ULK4: variants seen among roughly 807,000 people sequenced by gnomAD.
ULK4 encodes unc-51 like kinase 4, also known as inactive serine/threonine-protein kinase ULK4.
A neutral mutation model predicts 160.6 loss-of-function variants in ULK4; 133 were observed. That is an observed-to-expected ratio of 0.83 (90% CI 0.72 to 0.96). The LOEUF (loss-of-function observed/expected upper bound fraction) is 0.96, where lower values mean the gene tolerates loss of function less well. Ranked by LOEUF, ULK4 falls within the 40% of genes least tolerant of loss-of-function variation. The pLI is 0.00. For missense variants in ULK4, 1,580 were observed against 1,499.5 expected (o/e 1.05, Z -0.89); for synonymous variants, 534 against 539.8 (o/e 0.99, Z 0.15).
intron 13 of ULK4, 92 bp downstream of exon 13, chr3:41,900,633 T>C (rs1698317701): frequency 9.6e-7 from 1 of 1,037,732 alleles, no homozygotes; most frequent in African/African-American, 1.6e-5. Context: ...CAGGAAAGAT[T>C]ATACAGTAAA....
At chr3:41,799,954 T>C (rs1355451797) in intron 20 of ULK4, among the ~76,000 whole-genome samples, 178 bp downstream of exon 20, 2 of 152,194 alleles carry the variant, frequency 1.3e-5, no homozygotes, top group Admixed American at 6.5e-5. Flanking sequence ...CTCAAGGTTT[T>C]CCAGTTCCAA....
intron 17 of ULK4, among the ~76,000 whole-genome samples, chr3:41,855,990 G>A (rs1994157): frequency 0.18 from 27,751 of 152,002 alleles, 2,611 homozygotes; most frequent in Middle Eastern, 0.32. Context: ...TCTATGAGAC[G>A]TCAGATAAGA....
At chr3:41,676,529 GCTT>G (rs956128087) in intron 29 of ULK4, among the ~76,000 whole-genome samples, 12 of 152,120 alleles carry the variant, frequency 7.9e-5, no homozygotes, top group African/African-American at 2.9e-4. Flanking sequence ...AATAAAGGTG[GCTT>G]CAATATAAAC....
In ULK4 at chr3:41,681,445, T is replaced by C. The variant is rs896395256; in HGVS notation, c.2978+63A>G. 5.6e-6 allele frequency: 9 copies of C among 1,598,368 alleles called. No individual in the cohort carries two copies. The African/African-American group carries it at 9.4e-5, about 17-fold the overall frequency. ...ACCCCAACCCCATCACTGAACCTAG[T>C]TTGACAGAAGCTTCCTGGATAGCCT... On this transcript the variant is annotated intron_variant, in intron 29 of 36. Transcript: ENST00000301831.
chr3:41,807,509 A>G (rs767646009), intron 19 of ULK4, among the ~76,000 whole-genome samples: 3 of 152,194 alleles, frequency 2.0e-5, no homozygotes, highest in Non-Finnish European at 4.4e-5. Context: ...TTTGCTAGTT[A>G]TATATCCTTC....
chr3:41,431,548 T>C (rs72869516), intron 34 of ULK4, among the ~76,000 whole-genome samples: 158 of 61,316 alleles, frequency 2.6e-3, no homozygotes, highest in South Asian at 6.5e-3. Context: ...ATTCCCTCCC[T>C]TTTTTTTTTT....
At chr3:41,510,053 T>A (rs906309841) in intron 32 of ULK4, among the ~76,000 whole-genome samples, 2 of 152,118 alleles carry the variant, frequency 1.3e-5, no homozygotes, top group Non-Finnish European at 2.9e-5. Flanking sequence ...GAATAAAAAT[T>A]CACCAAACAA....
At position 41,935,017 on chromosome 3, in the gene ULK4, ATTTTT is replaced by A. The variant is rs10635589; in HGVS notation, c.378+779_378+783del. On this transcript the variant is annotated intron_variant, in intron 4 of 36. Coordinates refer to ENST00000301831, the MANE Select transcript of ULK4 (RefSeq NM_017886.4). ...ACCATATATTTCCTTTTATTTATTA[ATTTTT>A]TTTTTTTTTTTTTTTTGAAATGGAG... Among the ~76,000 whole-genome samples, 13 of 112,876 alleles carry A rather than the reference ATTTTT, an allele frequency of 1.2e-4. No individual in the cohort carries two copies. The South Asian group carries it at 2.0e-3, about 17-fold the overall frequency. The allele number at this position is 112,876 out of a possible 152,430, so 74.1% of individuals were successfully genotyped here. A position where few individuals can be genotyped will look rare whatever the true frequency, so the allele number is the denominator to read the frequency against.
At chr3:41,925,149 TCA>T (rs1575959979) in intron 5 of ULK4, among the ~76,000 whole-genome samples, 1 of 152,158 alleles carries the variant, frequency 6.6e-6, no homozygotes, top group African/African-American at 2.4e-5. Context: ...TCTGCAGCTC[TCA>T]GTGAGATCAA....
chr3:41,558,037 C>T (rs1036203029), intron 32 of ULK4, among the ~76,000 whole-genome samples: 2 of 152,108 alleles, frequency 1.3e-5, no homozygotes, highest in African/African-American at 4.8e-5. Context: ...TGGCACATTA[C>T]TTAGAGCAGC....
intron 27 of ULK4, among the ~76,000 whole-genome samples, chr3:41,688,831 T>A (rs1277730646): frequency 6.6e-6 from 1 of 152,188 alleles, no homozygotes; most frequent in Non-Finnish European, 1.5e-5. Context: ...TAACTGCTAT[T>A]TGCTTCTGGA....
intron 35 of ULK4, among the ~76,000 whole-genome samples, chr3:41,394,082 G>A (rs2082007579): frequency 6.6e-6 from 1 of 152,138 alleles, no homozygotes; most frequent in South Asian, 2.1e-4. Flanking sequence ...ACTACCACAA[G>A]TAGTAACCAA....
chr3:41,433,098 A>G (rs1236693486), intron 34 of ULK4, among the ~76,000 whole-genome samples: 2 of 152,232 alleles, frequency 1.3e-5, no homozygotes, highest in African/African-American at 2.4e-5. Context: ...TTGTTGTGAA[A>G]AAAGGATAAG....
At chr3:41,410,960 C>T (rs1410174885) in intron 34 of ULK4, among the ~76,000 whole-genome samples, 1 of 150,454 alleles carries the variant, frequency 6.6e-6, no homozygotes, top group Non-Finnish European at 1.5e-5. Context: ...ACTATATCTG[C>T]AAAAACACTA....
At chr3:41,836,423 G>A (rs902653790) in intron 17 of ULK4, among the ~76,000 whole-genome samples, 6 of 152,038 alleles carry the variant, frequency 3.9e-5, no homozygotes, top group East Asian at 1.9e-4. Flanking sequence ...CACCCACCTC[G>A]ACCTCCCAAA....
intron 34 of ULK4, 47 bp from the exon 35 acceptor site, chr3:41,398,311 T>A: frequency 6.5e-7 from 1 of 1,546,168 alleles, no homozygotes; most frequent in Non-Finnish European, 8.8e-7. Context: ...GAAGACGGTA[T>A]TAGTACTCAA....
chr3:41,717,764 T>A lies in ULK4; in HGVS notation c.2419A>T (p.Ile807Phe). 6.2e-7 allele frequency: 1 copy of A among 1,614,104 alleles called. No homozygotes were observed. Among genetic ancestry groups the A allele is most frequent in the Non-Finnish European group, 8.5e-7 (1 of 1,179,990 alleles). The change falls in exon 23 of 37, where the codon ATC becomes TTC. Residue 807 changes from isoleucine (I) to phenylalanine (F), a missense_variant. Ile to Phe is a conservative substitution (Grantham distance 21). Transcript: ENST00000301831. Reference protein sequence around the residue: ...EYLSKCLDLLICHIVQELPRI... With the variant: ...EYLSKCLDLLFCHIVQELPRI... The stretch of plus-strand genomic sequence containing the variant: ...GGCAGCTCCTGCACAATGTGACAGA[T>A]GAGAAGATCCAGGCATTTGGACAGG...
chr3:41,398,009 T>C (rs2082098874), intron 35 of ULK4, 70 bp downstream of exon 35: 4 of 1,498,676 alleles, frequency 2.7e-6, no homozygotes, highest in Non-Finnish European at 3.6e-6. Flanking sequence ...GTCCAAGAAA[T>C]GGCTACTCAC....
At position 41,681,543 on chromosome 3, in the gene ULK4, A is replaced by G. The variant is rs766918280; in HGVS notation, c.2943T>C (p.Asn981=). 2 of 1,614,008 alleles carry G rather than the reference A, an allele frequency of 1.2e-6. No homozygotes were observed. Among genetic ancestry groups the G allele is most frequent in the Non-Finnish European group, 1.7e-6 (2 of 1,179,978 alleles). The change falls in exon 29 of 37, where the codon AAT becomes AAC. Residue 981 remains asparagine (N), a synonymous_variant. Coordinates refer to ENST00000301831, the MANE Select transcript of ULK4 (RefSeq NM_017886.4). ...AGACATCTCGAATGAGAGCCAGAAG[A>G]TTGCTGTCAGAATCAACACTGGCCT... ...KEKASVDSDS[N]LLALIRDVLL... is the part of the protein sequence containing the mutation.
Sources: allele counts gnomAD v4.1 joint callset (sites outside exome capture counted in the v4.1 genomes callset), GRCh38; gene constraint gnomAD v4.1.1; transcripts MANE v1.5; gene names NCBI Gene and HGNC (gene_info 2026-07-23, HGNC 2026-07-21).